Variants in AGTPBP1 observed in about 807,000 individuals in gnomAD.
AGTPBP1 encodes ATP/GTP binding carboxypeptidase 1.
Under a neutral mutation model 143.9 loss-of-function variants are expected in AGTPBP1, and 70 were observed. The observed-to-expected ratio is 0.49, with a 90% CI of 0.40 to 0.59. The LOEUF is 0.59. Among genes scored for constraint, AGTPBP1 ranks in the 20% least tolerant of loss-of-function variants. The probability of loss-of-function intolerance (pLI) is 0.00; values close to 1 mark genes in which losing one functional copy is unlikely to be tolerated. For missense variants in AGTPBP1, 1,229 were observed against 1,464.5 expected, an observed-to-expected ratio of 0.84 and a Z score of 2.62; for synonymous variants, 463 against 500.2, an observed-to-expected ratio of 0.93 and a Z score of 0.99.
rs140604913 is a variant in AGTPBP1 at position 85,677,475 on chromosome 9, C to T, written c.397G>A (p.Val133Ile). The change falls in exon 6 of 26, where the codon GTA becomes ATA. Residue 133 changes from valine to isoleucine, a missense_variant. Coordinates refer to ENST00000357081, the MANE Select transcript of AGTPBP1 (RefSeq NM_001330701.2). ...KESPPHEDLM[V>I]QIHSILAKIG... ...TTTGCAAGAATAGAATGAATCTGTA[C>T]CATTAAGTCCTCATGTGGGGGAGAT... is the stretch of plus-strand genomic sequence containing the variant. 95 of 1,604,690 alleles carry T rather than the reference C, an allele frequency of 5.9e-5. 1 individual carries two copies. The Admixed American group carries it at 1.6e-3, about 27-fold the overall frequency.
At chr9:85,741,220 A>C in intron 1 of AGTPBP1, 1 of 985,396 alleles carries the variant, frequency 1.0e-6, no homozygotes, top group Non-Finnish European at 1.2e-6. Flanking sequence ...AGCTCAAACC[A>C]CCCAGCGAGA....
At chr9:85,704,036 C>G (rs907944266) in intron 2 of AGTPBP1, among the ~76,000 whole-genome samples, 5 of 152,322 alleles carry the variant, frequency 3.3e-5, no homozygotes, top group Middle Eastern at 3.4e-3. Flanking sequence ...AATAAATCCA[C>G]TAAGTTACCA....
At chr9:85,721,375 G>C (rs1366865294) in intron 1 of AGTPBP1, among the ~76,000 whole-genome samples, 1 of 152,076 alleles carries the variant, frequency 6.6e-6, no homozygotes, top group Admixed American at 6.5e-5. Context: ...ATTTAGGATA[G>C]TTAGCTCTTC....
chr9:85,584,028 G>A (rs1187206095), intron 23 of AGTPBP1, among the ~76,000 whole-genome samples: 1 of 151,926 alleles, frequency 6.6e-6, no homozygotes, highest in Admixed American at 6.6e-5. Context: ...TGAGGCAATG[G>A]TGGCAATGAT....
At chr9:85,614,936 C>G (rs1270540470) in intron 17 of AGTPBP1, among the ~76,000 whole-genome samples, 2 of 152,108 alleles carry the variant, frequency 1.3e-5, no homozygotes, top group Non-Finnish European at 2.9e-5. Context: ...TTGTCTGTAA[C>G]AGCCAAAACA....
intron 1 of AGTPBP1, among the ~76,000 whole-genome samples, chr9:85,739,757 T>C (rs1290395778): frequency 1.3e-5 from 2 of 149,790 alleles, no homozygotes; most frequent in Admixed American, 6.7e-5. Context: ...CTCACGCCTG[T>C]AATCCCTGCA....
chr9:85,639,475 T>C (rs1262734129), intron 13 of AGTPBP1, among the ~76,000 whole-genome samples: 2 of 151,290 alleles, frequency 1.3e-5, no homozygotes, highest in African/African-American at 4.9e-5. Flanking sequence ...TAAAAAAGAA[T>C]GAAAGCAGCA....
At chr9:85,548,820 C>A (rs946702637) in intron 25 of AGTPBP1, among the ~76,000 whole-genome samples, 2 of 151,620 alleles carry the variant, frequency 1.3e-5, no homozygotes, top group Non-Finnish European at 2.9e-5. Flanking sequence ...GACTACAGGC[C>A]CCCACCACCA....
chr9:85,704,525 T>C (rs1836863141), intron 2 of AGTPBP1, among the ~76,000 whole-genome samples: 1 of 152,076 alleles, frequency 6.6e-6, no homozygotes, highest in Non-Finnish European at 1.5e-5. Flanking sequence ...CTAACCTCAG[T>C]AGTAAGGAAT....
rs1463823148 is a variant in AGTPBP1, at chr9:85,683,135, C to T, written c.158-1800G>A. 2.0e-5 allele frequency among the ~76,000 whole-genome samples: 3 copies of T among 152,278 alleles called. No individual in the cohort carries two copies. The East Asian group carries it at 5.8e-4, about 29-fold the overall frequency. ...TAAAATAATATTCACCAGTTCCTTG[C>T]TGCCACATTGTTAATGCTTAAAAGA... On this transcript the variant is annotated intron_variant, in intron 3 of 25. Transcript: ENST00000357081.
rs754381108 is a variant in AGTPBP1 at position 85,712,579 on chromosome 9, T to A, written c.-33-13A>T. 1.2e-5 allele frequency: 16 copies of A among 1,306,838 alleles called. No homozygotes were observed. Among genetic ancestry groups the A allele is most frequent in the Non-Finnish European group, 1.6e-5 (15 of 958,868 alleles). The allele number at this position is 1,306,838 out of a possible 1,614,324, so 81.0% of individuals were successfully genotyped here. ...AATTGCAGATAATCTAAAAGAAAAA[T>A]GTTAATGATATTAAAAACTTATAAC... On this transcript the variant is annotated splice_polypyrimidine_tract_variant and intron_variant, in intron 1 of 25. Coordinates refer to ENST00000357081, the MANE Select transcript of AGTPBP1 (RefSeq NM_001330701.2).
At chr9:85,667,215 C>A (rs1337153346) in intron 8 of AGTPBP1, among the ~76,000 whole-genome samples, 1 of 152,062 alleles carries the variant, frequency 6.6e-6, no homozygotes, top group Non-Finnish European at 1.5e-5. Flanking sequence ...ATAATTCTTA[C>A]ACAGCTGTAA....
chr9:85,606,167 T>C (rs1829976615), intron 17 of AGTPBP1, among the ~76,000 whole-genome samples: 1 of 152,094 alleles, frequency 6.6e-6, no homozygotes, highest in South Asian at 2.1e-4. Context: ...AAGGGATTAG[T>C]ATCCAAAATA....
chr9:85,787,171 G>T, the AGTPBP1 span, among the ~76,000 whole-genome samples: 9 of 151,954 alleles, frequency 5.9e-5, no homozygotes, highest in South Asian at 6.2e-4. Context: ...GAAATTTTTT[G>T]GATTTTTAAA....
chr9:85,707,308 C>T (rs1345063330), intron 2 of AGTPBP1, among the ~76,000 whole-genome samples: 1 of 151,962 alleles, frequency 6.6e-6, no homozygotes, highest in East Asian at 1.9e-4. Context: ...AACCAATGAC[C>T]TTAGCTTTCA....
chr9:85,745,845 A>C (rs1256758907), upstream of AGTPBP1, among the ~76,000 whole-genome samples: 2 of 152,218 alleles, frequency 1.3e-5, no homozygotes, highest in African/African-American at 4.8e-5. Context: ...GCCTTTGGTA[A>C]GGCTTTTCTC....
At position 85,650,872 on chromosome 9, in the gene AGTPBP1, C is replaced by T. The variant is rs74458405; in HGVS notation, c.1087+4271G>A. 3.3e-4 allele frequency among the ~76,000 whole-genome samples: 50 copies of T among 152,270 alleles called. No individual in the cohort carries two copies. The East Asian group carries it at 8.1e-3, about 25-fold the overall frequency. On this transcript the variant is annotated intron_variant, in intron 11 of 25. Coordinates refer to ENST00000357081, the MANE Select transcript of AGTPBP1 (RefSeq NM_001330701.2). ...TGTTATCTAGCTTGCATAAAATAAT[C>T]TTCACTGCCTTGTTTTAATCATTTT...
In AGTPBP1 at chr9:85,564,113, G is replaced by A. The variant is rs139509515; in HGVS notation, c.3503+11202C>T. Among the ~76,000 whole-genome samples, 1,168 of 152,332 alleles carry A rather than the reference G, an allele frequency of 7.7e-3. 13 individuals carry two copies. Among genetic ancestry groups the A allele is most frequent in the African/African-American group, 0.026 (1,095 of 41,580 alleles). ...AGAGCTGCTACTAGGGCAAGGCCCA[G>A]CAAAGCCATGGGGGCAGGACTGCCT... is the stretch of plus-strand genomic sequence containing the variant. On this transcript the variant is annotated intron_variant, in intron 25 of 25. Coordinates refer to ENST00000357081, the MANE Select transcript of AGTPBP1 (RefSeq NM_001330701.2).
chr9:85,741,738 G>C (rs543205119), intron 1 of AGTPBP1, 37 bp downstream of exon 1: 1 of 1,283,504 alleles, frequency 7.8e-7, no homozygotes, highest in Non-Finnish European at 9.8e-7. Flanking sequence ...CAGAGGGACG[G>C]CCGGCCGGGA....
Sources: gnomAD v4.1 joint callset for allele counts (sites outside exome capture counted in the v4.1 genomes callset) on GRCh38, gnomAD v4.1.1 for gene constraint, MANE v1.5 for transcripts, NCBI Gene and HGNC (gene_info 2026-07-23, HGNC 2026-07-21) for gene names.